The following MYO5A variants were observed in gnomAD, a reference collection of about 807,000 sequenced individuals.
The protein encoded by MYO5A is myosin VA.
A neutral mutation model predicts 249.7 loss-of-function variants in MYO5A; 98 were observed. The observed-to-expected ratio is 0.39, with a 90% CI of 0.33 to 0.46. MYO5A has a LOEUF of 0.46. MYO5A is among the 20% of genes least tolerant of loss of function. The pLI is 0.98. For missense variants in MYO5A, 1,696 were observed against 2,308.8 expected (o/e 0.73, Z 5.44); for synonymous variants, 778 against 810.6 (o/e 0.96, Z 0.68).
At chr15:52,443,461 G>A (rs896090074) in intron 1 of MYO5A, among the ~76,000 whole-genome samples, 5 of 151,982 alleles carry the variant, frequency 3.3e-5, no homozygotes, top group Middle Eastern at 3.2e-3. Context: ...AGTAAATCAC[G>A]CTTCACTTTG....
At chr15:52,469,613 TTC>T (rs1374837357) in intron 1 of MYO5A, among the ~76,000 whole-genome samples, 1 of 152,166 alleles carries the variant, frequency 6.6e-6, no homozygotes. Flanking sequence ...ACGTCATAAT[TTC>T]TGTCTTTTTT....
intron 1 of MYO5A, among the ~76,000 whole-genome samples, chr15:52,508,498 A>G (rs1261443905): frequency 1.3e-5 from 2 of 152,134 alleles, no homozygotes; most frequent in Non-Finnish European, 2.9e-5. Context: ...TATTAGTCCT[A>G]TGTGTTCTAA....
Position 52,346,380 on chromosome 15 carries a change from C to T in MYO5A, c.3940G>A (p.Gly1314Ser). 1 of 1,599,066 alleles carries T rather than the reference C, an allele frequency of 6.3e-7. No homozygotes were observed. The highest frequency in any genetic ancestry group is 1.1e-5 in the South Asian group (1 of 90,562). ...DKGEIAQAYI[G>S]LKETNRSSAL... ...ACTTACCTATTTGTTTCTTTCAAAC[C>T]AATGTATGCTTGTGCTATTTCACCT... is the stretch of plus-strand genomic sequence containing the variant. Residue 1314 changes from glycine to serine, a missense_variant, in exon 30 of 42, where the codon GGT (glycine) becomes AGT (serine). Coordinates refer to ENST00000399233, the MANE Select transcript of MYO5A (RefSeq NM_001382347.1).
rs1461220337 is a variant in MYO5A at position 52,376,333 on chromosome 15, C to T, written c.2420+14G>A. On this transcript the variant is annotated intron_variant, in intron 19 of 41. Transcript: ENST00000399233. ...AATTAGATGGGCACTCTACTCTGTCCCCAGGAGACCTACCATCGGGCCTGG... is the reference window on the plus strand; with the variant it reads ...AATTAGATGGGCACTCTACTCTGTCTCCAGGAGACCTACCATCGGGCCTGG... The T allele has an allele frequency of 6.2e-7, 1 of 1,612,972 alleles. No homozygotes were observed. Among genetic ancestry groups the T allele is most frequent in the East Asian group, 2.2e-5 (1 of 44,840 alleles).
Position 52,449,066 on chromosome 15 carries a change from T to C in MYO5A, c.28-15781A>G, listed in dbSNP as rs529028449. Reference sequence around the variant, plus strand: ...TCACTGCAAACTCTGTCTCCCGGGTTCAAGCGATTTTCCTGCCTCAGCCTC... The same window carrying C: ...TCACTGCAAACTCTGTCTCCCGGGTCCAAGCGATTTTCCTGCCTCAGCCTC... On this transcript the variant is annotated intron_variant, in intron 1 of 41. Coordinates refer to ENST00000399233, the MANE Select transcript of MYO5A (RefSeq NM_001382347.1). Among the ~76,000 whole-genome samples the C allele has an allele frequency of 1.1e-3, 160 of 148,182 alleles. 1 individual carries two copies. The highest frequency in any genetic ancestry group is 3.9e-3 in the African/African-American group (157 of 40,092).
chr15:52,419,855 T>C (rs1253690738), intron 4 of MYO5A, among the ~76,000 whole-genome samples: 1 of 152,208 alleles, frequency 6.6e-6, no homozygotes, highest in Non-Finnish European at 1.5e-5. Flanking sequence ...AGTTCTCTAA[T>C]ATATACTGTA....
At chr15:52,472,226 C>A (rs2076488730) in intron 1 of MYO5A, among the ~76,000 whole-genome samples, 1 of 151,968 alleles carries the variant, frequency 6.6e-6, no homozygotes, top group African/African-American at 2.4e-5. Flanking sequence ...CTACAGGGAC[C>A]AGCCACCACG....
intron 1 of MYO5A, among the ~76,000 whole-genome samples, chr15:52,510,488 C>T (rs1344619210): frequency 6.6e-6 from 1 of 152,186 alleles, no homozygotes; most frequent in African/African-American, 2.4e-5. Flanking sequence ...TGGACCAGTA[C>T]CAGTCCCTGG....
chr15:52,385,575 TA>T (rs936682116), intron 14 of MYO5A, among the ~76,000 whole-genome samples: 28 of 148,784 alleles, frequency 1.9e-4, no homozygotes, highest in Admixed American at 2.0e-4. Flanking sequence ...TATATATATA[TA>T]TTTTTTTAAA....
intron 1 of MYO5A, among the ~76,000 whole-genome samples, chr15:52,509,563 C>T (rs2077348806): frequency 6.6e-6 from 1 of 152,212 alleles, no homozygotes; most frequent in Non-Finnish European, 1.5e-5. Flanking sequence ...CAGACAACCC[C>T]ACCTGGGATT....
chr15:52,458,341 C>T (rs551590723), intron 1 of MYO5A, among the ~76,000 whole-genome samples: 1 of 152,146 alleles, frequency 6.6e-6, no homozygotes, highest in South Asian at 2.1e-4. Flanking sequence ...TTTGAAAGGC[C>T]GAGGCAAGTA....
intron 16 of MYO5A, among the ~76,000 whole-genome samples, chr15:52,381,987 C>T (rs2041764185): frequency 6.6e-6 from 1 of 152,176 alleles, no homozygotes. Flanking sequence ...ACTGCAACTG[C>T]AGCCTCCCAG....
chr15:52,357,149 G>A (rs879379913), intron 25 of MYO5A, among the ~76,000 whole-genome samples: 10 of 151,608 alleles, frequency 6.6e-5, no homozygotes, highest in South Asian at 6.2e-4. Flanking sequence ...TTCTCTATAC[G>A]TCCCCCATAA....
intron 1 of MYO5A, among the ~76,000 whole-genome samples, chr15:52,454,808 G>C (rs1466047395): frequency 6.6e-6 from 1 of 151,778 alleles, no homozygotes; most frequent in Non-Finnish European, 1.5e-5. Flanking sequence ...AAAATCTATG[G>C]GATACAGCAA....
At chr15:52,361,863 C>G in intron 24 of MYO5A, among the ~76,000 whole-genome samples, 1 of 152,214 alleles carries the variant, frequency 6.6e-6, no homozygotes, top group East Asian at 1.9e-4. Context: ...TCCTCTTCTG[C>G]TCCTGATTTC....
Position 52,351,371 on chromosome 15 carries a change from G to C in MYO5A, c.3732C>G (p.Ala1244=), listed in dbSNP as rs377209701. 2 of 1,614,222 alleles carry C rather than the reference G, an allele frequency of 1.2e-6. No individual in the cohort carries two copies. Among genetic ancestry groups the C allele is most frequent in the Admixed American group, 3.3e-5 (2 of 60,030 alleles). Residue 1244 remains alanine, a synonymous_variant, in exon 28 of 42, where the codon GCC becomes GCG. Transcript: ENST00000399233. ...APEVTAPGAP[A]YRVLMEQLTS... is the part of the protein sequence containing the mutation. ...TCAGCTGCTCCATGAGGACACGGTA[G>C]GCAGGTGCACCTGGGGCGGTCACCT...
chr15:52,318,575 T>C (rs1001119380), intron 39 of MYO5A, among the ~76,000 whole-genome samples: 1 of 152,038 alleles, frequency 6.6e-6, no homozygotes, highest in South Asian at 2.1e-4. Context: ...AGGGGGGATA[T>C]TTTAAGAATT....
At position 52,481,717 on chromosome 15, in the gene MYO5A, G is replaced by C. The variant is rs577037369; in HGVS notation, c.27+47063C>G. Among the ~76,000 whole-genome samples the C allele has an allele frequency of 3.3e-5, 5 of 152,312 alleles. No homozygotes were observed. The South Asian group carries it at 1.0e-3, about 32-fold the overall frequency. On this transcript the variant is annotated intron_variant, in intron 1 of 41. Coordinates refer to ENST00000399233, the MANE Select transcript of MYO5A (RefSeq NM_001382347.1). ...AATGAAGACATAAAGATGTGGAACA[G>C]GATAAAATACACATGAGGAATAACA...
At chr15:52,452,008 G>A (rs917694786) in intron 1 of MYO5A, among the ~76,000 whole-genome samples, 1 of 152,076 alleles carries the variant, frequency 6.6e-6, no homozygotes. Flanking sequence ...TTAAATCTAA[G>A]AGACTACCAA....
Sources: gnomAD v4.1 joint callset for allele counts (sites outside exome capture counted in the v4.1 genomes callset) on GRCh38, gnomAD v4.1.1 for gene constraint, MANE v1.5 for transcripts, NCBI Gene and HGNC (gene_info 2026-07-23, HGNC 2026-07-21) for gene names.